SLC20A2: variants seen among roughly 807,000 people sequenced by gnomAD.
SLC20A2 encodes the protein sodium-dependent phosphate transporter 2.
In SLC20A2, 30 loss-of-function variants were observed where a neutral mutation model predicts 61.0. The ratio of observed to expected loss-of-function variants is 0.49; its 90% CI spans 0.37 to 0.67. The LOEUF (loss-of-function observed/expected upper bound fraction) is 0.67. Ranked by LOEUF, SLC20A2 falls within the 30% of genes least tolerant of loss-of-function variation. The pLI, the probability that SLC20A2 is intolerant of heterozygous loss-of-function variation, is 0.00. For synonymous variants in SLC20A2, 351 were observed against 353.3 expected (o/e 0.99, Z 0.07); for missense variants, 626 against 866.4 (o/e 0.72, Z 3.48).
intron 9 of SLC20A2, 28 bp downstream of exon 9, chr8:42,430,036 C>A: frequency 6.3e-7 from 1 of 1,585,156 alleles, no homozygotes; most frequent in Non-Finnish European, 8.6e-7. Flanking sequence ...ACAAGACCTG[C>A]CCTGCTCGTC....
chr8:42,509,881 T>C (rs1223983378), intron 1 of SLC20A2, among the ~76,000 whole-genome samples: 1 of 152,164 alleles, frequency 6.6e-6, no homozygotes, highest in Non-Finnish European at 1.5e-5. Context: ...GCACCTCAAA[T>C]GGAAAAATAA....
At chr8:42,528,357 G>T (rs965329328) in intron 1 of SLC20A2, among the ~76,000 whole-genome samples, 3 of 151,928 alleles carry the variant, frequency 2.0e-5, no homozygotes, top group African/African-American at 4.8e-5. Flanking sequence ...AGCTACGCAG[G>T]AGGCTGAGGC....
chr8:42,512,265 C>A (rs1271279136), intron 1 of SLC20A2, among the ~76,000 whole-genome samples: 2 of 151,596 alleles, frequency 1.3e-5, no homozygotes, highest in Non-Finnish European at 2.9e-5. Context: ...TTTAGTTTCC[C>A]AAACTAAGAA....
rs1586121022 is a variant in SLC20A2 at position 42,465,988 on chromosome 8, A to C, written c.290-71T>G. On this transcript the variant is annotated intron_variant, in intron 2 of 10. Transcript: ENST00000520262. The stretch of plus-strand genomic sequence containing the variant: ...TGCAGACACCAAGGGAAGAAATCCA[A>C]ATGTTTTCCATAACAACATCTCCCA... 6 of 1,362,308 alleles carry C rather than the reference A, an allele frequency of 4.4e-6. No individual in the cohort carries two copies. The East Asian group carries it at 1.5e-4, about 34-fold the overall frequency. The allele number at this position is 1,362,308 out of a possible 1,614,324, so 84.4% of individuals were successfully genotyped here.
chr8:42,511,788 T>C (rs1811048458), intron 1 of SLC20A2, among the ~76,000 whole-genome samples: 1 of 152,088 alleles, frequency 6.6e-6, no homozygotes, highest in Non-Finnish European at 1.5e-5. Context: ...GATTGTATCC[T>C]TAGGTACTAA....
At chr8:42,480,674 A>C (rs1808488024) in intron 1 of SLC20A2, among the ~76,000 whole-genome samples, 1 of 151,908 alleles carries the variant, frequency 6.6e-6, no homozygotes, top group Non-Finnish European at 1.5e-5. Flanking sequence ...CTTTATTTTT[A>C]GTTTTGAGAC....
intron 4 of SLC20A2, among the ~76,000 whole-genome samples, chr8:42,461,262 A>C (rs571188581): frequency 6.6e-6 from 1 of 152,220 alleles, no homozygotes; most frequent in East Asian, 1.9e-4. Flanking sequence ...TCTGTGATGT[A>C]TCACGTGAAA....
intron 4 of SLC20A2, among the ~76,000 whole-genome samples, chr8:42,462,462 C>A (rs181617564): frequency 3.3e-5 from 5 of 152,118 alleles, no homozygotes; most frequent in Non-Finnish European, 7.3e-5. Context: ...AAGATAGCCA[C>A]GTTTTGTGTC....
intron 5 of SLC20A2, among the ~76,000 whole-genome samples, chr8:42,445,283 C>T (rs755621961): frequency 4.0e-5 from 6 of 151,698 alleles, no homozygotes; most frequent in Non-Finnish European, 8.8e-5. Context: ...CAGAGCGAGA[C>T]TCCATCTCAA....
At chr8:42,527,628 C>T (rs1812058384) in intron 1 of SLC20A2, among the ~76,000 whole-genome samples, 1 of 151,550 alleles carries the variant, frequency 6.6e-6, no homozygotes, top group Middle Eastern at 3.4e-3. Flanking sequence ...ATTAGCCAGG[C>T]GTGGTGGCGC....
At chr8:42,523,387 T>C (rs1261214869) in intron 1 of SLC20A2, among the ~76,000 whole-genome samples, 1 of 152,052 alleles carries the variant, frequency 6.6e-6, no homozygotes, top group East Asian at 1.9e-4. Context: ...ATTTTAACAG[T>C]ATGTGAACAA....
At chr8:42,517,899 T>C (rs1267975422) in intron 1 of SLC20A2, among the ~76,000 whole-genome samples, 2 of 152,206 alleles carry the variant, frequency 1.3e-5, no homozygotes, top group Non-Finnish European at 2.9e-5. Flanking sequence ...AGGTTGTATG[T>C]ACAAAAACAT....
intron 6 of SLC20A2, among the ~76,000 whole-genome samples, chr8:42,440,041 C>T (rs1804648522): frequency 6.6e-6 from 1 of 151,272 alleles, no homozygotes; most frequent in Admixed American, 6.6e-5. Context: ...GCCAAGACTG[C>T]GCCACTGCGC....
chr8:42,484,779 T>TTA, intron 1 of SLC20A2: 1 of 329,386 alleles, frequency 3.0e-6, no homozygotes, highest in African/African-American at 2.2e-5. Context: ...AGCTAAAGGC[T>TTA]GCTCCCATAT....
intron 5 of SLC20A2, among the ~76,000 whole-genome samples, chr8:42,455,239 A>ATATAT (rs1406971999): frequency 3.4e-4 from 33 of 97,264 alleles, no homozygotes; most frequent in African/African-American, 1.2e-3. Context: ...AAAAAAAAAA[A>ATATAT]AAATATATAT....
At chr8:42,539,738 A>G (rs1486041144) in intron 1 of SLC20A2, among the ~76,000 whole-genome samples, 1 of 152,230 alleles carries the variant, frequency 6.6e-6, no homozygotes, top group Admixed American at 6.5e-5. Context: ...AGAAAGGACC[A>G]TTAGGGCTTT....
chr8:42,465,234 T>A (rs1031025974), intron 3 of SLC20A2, among the ~76,000 whole-genome samples: 14 of 151,654 alleles, frequency 9.2e-5, no homozygotes, highest in African/African-American at 3.4e-4. Flanking sequence ...ATTTTTGTAT[T>A]TTTGTAGAGA....
At chr8:42,493,552 A>G (rs145705798) in intron 1 of SLC20A2, among the ~76,000 whole-genome samples, 3 of 152,188 alleles carry the variant, frequency 2.0e-5, no homozygotes, top group African/African-American at 7.2e-5. Context: ...ATGGATAATC[A>G]TAACACCAGA....
chr8:42,428,636 A>G, intron 10 of SLC20A2, 122 bp downstream of exon 10: 1 of 732,158 alleles, frequency 1.4e-6, no homozygotes, highest in Non-Finnish European at 2.2e-6. Flanking sequence ...AGACCTGGAG[A>G]ACCTGGAGCT....
Sources: gnomAD v4.1 joint callset for allele counts (sites outside exome capture counted in the v4.1 genomes callset) on GRCh38, gnomAD v4.1.1 for gene constraint, MANE v1.5 for transcripts, NCBI Gene and HGNC (gene_info 2026-07-23, HGNC 2026-07-21) for gene names.